GALNTL5: variants seen among roughly 807,000 people sequenced by gnomAD.
GALNTL5 encodes the protein polypeptide N-acetylgalactosaminyltransferase like 5.
A neutral mutation model predicts 51.0 loss-of-function variants in GALNTL5; 44 were observed. The observed-to-expected ratio is 0.86, with a 90% CI of 0.68 to 1.11. The LOEUF is 1.11. GALNTL5 is among the 50% of genes least tolerant of loss of function. The pLI, the probability that GALNTL5 is intolerant of heterozygous loss-of-function variation, is 0.00. For missense variants in GALNTL5, 528 were observed against 531.8 expected, an observed-to-expected ratio of 0.99 and a Z score of 0.07; for synonymous variants, 192 against 182.8, an observed-to-expected ratio of 1.05 and a Z score of -0.41.
chr7:152,008,251 C>CT (rs75036205), intron 7 of GALNTL5, among the ~76,000 whole-genome samples: 35 of 134,524 alleles, frequency 2.6e-4, no homozygotes, highest in Non-Finnish European at 3.0e-4. Context: ...CCCATCTCTA[C>CT]TTTTTTTTTT....
rs753441607 is a variant in GALNTL5, at chr7:151,967,401, T to G, written c.155T>G (p.Val52Gly). The change falls in exon 2 of 9, where the codon GTG becomes GGG. Residue 52 changes from valine (V) to glycine (G), a missense_variant. Coordinates refer to ENST00000392800, the MANE Select transcript of GALNTL5 (RefSeq NM_145292.4). The part of the protein sequence containing the change: ...PLSAWSPGKK[V>G]HQQIIYGSEQ... ...TCAGCTTGGTCCCCTGGAAAAAAAG[T>G]GCATCAGCAAATTATCTATGGCTCA... 14 of 1,614,098 alleles carry G rather than the reference T, an allele frequency of 8.7e-6. No homozygotes were observed. The highest frequency in any genetic ancestry group is 8.3e-5 in the Admixed American group (5 of 60,010).
intron 5 of GALNTL5, among the ~76,000 whole-genome samples, chr7:151,988,103 A>G (rs2081383851): frequency 6.6e-6 from 1 of 152,200 alleles, no homozygotes; most frequent in Non-Finnish European, 1.5e-5. Flanking sequence ...CTGCCCCAAG[A>G]GCCATTCAGA....
At chr7:151,991,626 T>G (rs768358921) in intron 5 of GALNTL5, among the ~76,000 whole-genome samples, 26 of 152,230 alleles carry the variant, frequency 1.7e-4, no homozygotes, top group Non-Finnish European at 2.9e-5. Flanking sequence ...CCTGGGTCTA[T>G]TTCCAGCATC....
At chr7:152,015,526 A>C (rs2081799492) in intron 8 of GALNTL5, among the ~76,000 whole-genome samples, 1 of 151,784 alleles carries the variant, frequency 6.6e-6, no homozygotes, top group Non-Finnish European at 1.5e-5. Context: ...GGCCTGGCTA[A>C]TTTTTGTATT....
intron 3 of GALNTL5, among the ~76,000 whole-genome samples, chr7:151,980,799 G>A (rs1369692577): frequency 1.6e-5 from 2 of 125,830 alleles, no homozygotes; most frequent in Non-Finnish European, 3.2e-5. Context: ...AGGCTGGAGT[G>A]CAGTGGCGGG....
intron 8 of GALNTL5, among the ~76,000 whole-genome samples, chr7:152,015,809 G>A (rs984176857): frequency 1.3e-5 from 2 of 152,098 alleles, no homozygotes; most frequent in African/African-American, 4.8e-5. Context: ...TGTCATCTGT[G>A]CATTTCCCCA....
At chr7:152,003,693 TTAA>T (rs1431387482) in intron 6 of GALNTL5, among the ~76,000 whole-genome samples, 3 of 152,196 alleles carry the variant, frequency 2.0e-5, no homozygotes, top group African/African-American at 4.8e-5. Flanking sequence ...AAATCTCAAC[TTAA>T]TAAAAATAAA....
At chr7:151,957,565 AG>A (rs2080941415) in intron 1 of GALNTL5, among the ~76,000 whole-genome samples, 5 of 139,846 alleles carry the variant, frequency 3.6e-5, no homozygotes, top group Non-Finnish European at 7.6e-5. Context: ...AAAAAAGAAA[AG>A]AAAAAAAAAA....
intron 5 of GALNTL5, among the ~76,000 whole-genome samples, chr7:151,989,341 CG>C (rs1260850052): frequency 6.6e-6 from 1 of 151,614 alleles, no homozygotes; most frequent in African/African-American, 2.4e-5. Context: ...TTAGTAGAGA[CG>C]GGGTTTCGCC....
At chr7:152,012,587 T>C (rs1386588805) in intron 7 of GALNTL5, among the ~76,000 whole-genome samples, 1 of 152,234 alleles carries the variant, frequency 6.6e-6, no homozygotes, top group African/African-American at 2.4e-5. Context: ...TACATTGTTC[T>C]ACCATAAAGA....
At chr7:151,970,231 C>T (rs1210863857) in intron 2 of GALNTL5, among the ~76,000 whole-genome samples, 1 of 152,078 alleles carries the variant, frequency 6.6e-6, no homozygotes, top group Admixed American at 6.6e-5. Context: ...GGGCTCAGTA[C>T]ATTCTGCTTC....
chr7:151,966,711 TATAC>T (rs1400707155), intron 1 of GALNTL5, among the ~76,000 whole-genome samples: 8 of 152,380 alleles, frequency 5.3e-5, no homozygotes, highest in African/African-American at 1.2e-4. Flanking sequence ...TGTCATATCA[TATAC>T]ATATCTTCAA....
Position 151,996,837 on chromosome 7 carries a change from G to T in GALNTL5, c.659-5877G>T, listed in dbSNP as rs547367919. Among the ~76,000 whole-genome samples the T allele has an allele frequency of 4.0e-5, 6 of 151,804 alleles. No individual in the cohort carries two copies. The South Asian group carries it at 6.2e-4, about 16-fold the overall frequency. ...TATTTTTAAGATTTTAAAAATGCTT[G>T]GTTGTAGAGACCAAACTGAGAATTT... On this transcript the variant is annotated intron_variant, in intron 5 of 8. Coordinates refer to ENST00000392800, the MANE Select transcript of GALNTL5 (RefSeq NM_145292.4).
chr7:151,997,345 T>G (rs1391542651), intron 5 of GALNTL5, among the ~76,000 whole-genome samples: 5 of 152,054 alleles, frequency 3.3e-5, no homozygotes, highest in Admixed American at 3.3e-4. Context: ...TTCCCGAAAC[T>G]CTCGAAGGCA....
At chr7:152,007,411 CTCTTT>C (rs1288217491) in intron 6 of GALNTL5, among the ~76,000 whole-genome samples, 1 of 128,118 alleles carries the variant, frequency 7.8e-6, no homozygotes, top group Non-Finnish European at 1.7e-5. Context: ...TTAATGTTTT[CTCTTT>C]TTTTTTTTTT....
At position 151,975,443 on chromosome 7, in the gene GALNTL5, TGA is replaced by T. The variant is rs1228502280; in HGVS notation, c.368+4380_368+4381del. On this transcript the variant is annotated intron_variant, in intron 3 of 8. Coordinates refer to ENST00000392800, the MANE Select transcript of GALNTL5 (RefSeq NM_145292.4). ...TCTTTCACTTCTGGTCTTGTTTTTT[TGA>T]GTCTTCTTTTTTCTTAATTAGTCTA... 2.0e-5 allele frequency among the ~76,000 whole-genome samples: 3 copies of T among 152,222 alleles called. No individual in the cohort carries two copies. In the East Asian group the frequency reaches 5.8e-4, roughly 29 times the overall value.
chr7:151,992,834 T>C (rs2081444345), intron 5 of GALNTL5, among the ~76,000 whole-genome samples: 2 of 152,240 alleles, frequency 1.3e-5, no homozygotes, highest in Non-Finnish European at 2.9e-5. Context: ...CCCATAGAAA[T>C]GCTCCCCTAG....
chr7:151,975,118 TC>T (rs557273679), intron 3 of GALNTL5, among the ~76,000 whole-genome samples: 81 of 152,324 alleles, frequency 5.3e-4, no homozygotes, highest in African/African-American at 1.6e-3. Flanking sequence ...AAGTGTTTCT[TC>T]CTCCTTAATT....
intron 1 of GALNTL5, among the ~76,000 whole-genome samples, chr7:151,957,129 G>A (rs2080935258): frequency 7.2e-6 from 1 of 139,524 alleles, no homozygotes; most frequent in African/African-American, 2.7e-5. Flanking sequence ...GAAAGAGTGA[G>A]ACTCTGTCTC....
Sources: gnomAD v4.1 joint callset for allele counts (sites outside exome capture counted in the v4.1 genomes callset) on GRCh38, gnomAD v4.1.1 for gene constraint, MANE v1.5 for transcripts, NCBI Gene and HGNC (gene_info 2026-07-23, HGNC 2026-07-21) for gene names.